SMC1B: variants seen among roughly 807,000 people sequenced by gnomAD.
SMC1B encodes the protein structural maintenance of chromosomes protein 1B.
A neutral mutation model predicts 157.9 loss-of-function variants in SMC1B; 60 were observed. That is an observed-to-expected ratio of 0.38 (90% confidence interval 0.31 to 0.47). The LOEUF is 0.47. Ranked by LOEUF, SMC1B falls within the 20% of genes least tolerant of loss-of-function variation. The pLI, the probability that SMC1B is intolerant of heterozygous loss-of-function variation, is 0.99. For missense variants in SMC1B, 1,165 were observed against 1,426.2 expected (o/e 0.82, Z 2.95); for synonymous variants, 445 against 483.0 (o/e 0.92, Z 1.03).
Position 45,359,949 on chromosome 22 carries a change from C to A in SMC1B, c.2718G>T (p.Gly906=). The A allele has an allele frequency of 1.2e-6, 2 of 1,613,106 alleles. No individual in the cohort carries two copies. Among genetic ancestry groups the A allele is most frequent in the Non-Finnish European group, 1.7e-6 (2 of 1,179,294 alleles). The change falls in exon 18 of 25, where the codon GGG becomes GGT. Residue 906 remains glycine, a synonymous_variant. Transcript: ENST00000357450. ...KKFLAVDREV[G]KLQKEVVSIQ... is the part of the protein sequence containing the mutation. ...TACTTACAACTTCTTTTTGCAATTTCCCCACTTCCCTGTAATTACACAGAT... is the reference window on the plus strand; with the variant it reads ...TACTTACAACTTCTTTTTGCAATTTACCCACTTCCCTGTAATTACACAGAT...
intron 9 of SMC1B, among the ~76,000 whole-genome samples, chr22:45,391,364 T>C (rs2087057367): frequency 6.6e-6 from 1 of 152,244 alleles, no homozygotes; most frequent in African/African-American, 2.4e-5. Flanking sequence ...TATTTGAATC[T>C]AGTTTTATAA....
intron 2 of SMC1B, 113 bp downstream of exon 2, chr22:45,408,597 C>A: frequency 1.5e-6 from 1 of 658,196 alleles, no homozygotes; most frequent in Non-Finnish European, 2.5e-6. Context: ...GAAAAAAGAA[C>A]TCTAGTTCAT....
At chr22:45,369,699 C>G (rs964348378) in intron 15 of SMC1B, among the ~76,000 whole-genome samples, 3 of 151,568 alleles carry the variant, frequency 2.0e-5, no homozygotes, top group African/African-American at 7.3e-5. Flanking sequence ...CCTGCCACCA[C>G]GCCTGGCTAA....
In SMC1B at chr22:45,402,490, T is replaced by C. The variant is rs2087208167; in HGVS notation, c.697A>G (p.Lys233Glu). The C allele has an allele frequency of 6.2e-7, 1 of 1,613,914 alleles. No homozygotes were observed. Among genetic ancestry groups the C allele is most frequent in the Non-Finnish European group, 8.5e-7 (1 of 1,179,970 alleles). Residue 233 changes from lysine to glutamate, a missense_variant, in exon 5 of 25, where the codon AAA (lysine) becomes GAA (glutamate). Coordinates refer to ENST00000357450, the MANE Select transcript of SMC1B (RefSeq NM_148674.5). The stretch of plus-strand genomic sequence containing the variant: ...TTGGTGTTCAGGAGATGAATCTTTT[T>C]CTCATTATGGTATAGTTGAAAAAGC... ...LQLFQLYHNE[K>E]KIHLLNTKLE...
At chr22:45,369,452 T>C (rs1467953550) in intron 15 of SMC1B, among the ~76,000 whole-genome samples, 2 of 152,126 alleles carry the variant, frequency 1.3e-5, no homozygotes, top group African/African-American at 4.8e-5. Flanking sequence ...TATTCTCTTA[T>C]TTTGTGTATT....
intron 11 of SMC1B, among the ~76,000 whole-genome samples, chr22:45,386,541 A>C (rs2146819671): frequency 6.6e-6 from 1 of 152,034 alleles, no homozygotes; most frequent in Non-Finnish European, 1.5e-5. Context: ...TCAAAACCAC[A>C]GGTACCATAT....
At position 45,391,235 on chromosome 22, in the gene SMC1B, G is replaced by T. The variant is rs73444371; in HGVS notation, c.1546-1338C>A. Among the ~76,000 whole-genome samples, 1,440 of 151,876 alleles carry T rather than the reference G, an allele frequency of 9.5e-3. 32 individuals carry two copies. The highest frequency in any genetic ancestry group is 0.033 in the African/African-American group (1,372 of 41,452). On this transcript the variant is annotated intron_variant, in intron 9 of 24. Transcript: ENST00000357450. ...TTCTTGCTATTAATGCTTCTAATTT[G>T]TTAATTTGTCTATGTTATTTATTAC... is the stretch of plus-strand genomic sequence containing the variant.
intron 18 of SMC1B, among the ~76,000 whole-genome samples, chr22:45,359,216 A>G (rs1238924079): frequency 6.6e-6 from 1 of 152,226 alleles, no homozygotes; most frequent in African/African-American, 2.4e-5. Context: ...TTTGATATAC[A>G]TGGGGGATCC....
intron 6 of SMC1B, among the ~76,000 whole-genome samples, chr22:45,397,102 T>A (rs1260143519): frequency 6.7e-6 from 1 of 149,954 alleles, no homozygotes; most frequent in Non-Finnish European, 1.5e-5. Context: ...TGACTATATA[T>A]ACCAAAATAA....
At chr22:45,375,020 G>C (rs929375018) in intron 12 of SMC1B, among the ~76,000 whole-genome samples, 1 of 152,128 alleles carries the variant, frequency 6.6e-6, no homozygotes, top group African/African-American at 2.4e-5. Flanking sequence ...GGGGAAATGT[G>C]AAAGGAAAAT....
At chr22:45,371,846 C>A (rs2086835822) in intron 13 of SMC1B, among the ~76,000 whole-genome samples, 1 of 152,116 alleles carries the variant, frequency 6.6e-6, no homozygotes, top group African/African-American at 2.4e-5. Flanking sequence ...CACCTGAAGT[C>A]AGGAGTCTGA....
chr22:45,367,962 G>T (rs1485892816), intron 15 of SMC1B, among the ~76,000 whole-genome samples: 4 of 152,064 alleles, frequency 2.6e-5, no homozygotes, highest in Non-Finnish European at 5.9e-5. Flanking sequence ...AAGCCAGCTT[G>T]ATTCTATTCT....
At position 45,399,238 on chromosome 22, in the gene SMC1B, T is replaced by C. The variant is rs898893738; in HGVS notation, c.970A>G (p.Lys324Glu). The C allele has an allele frequency of 6.2e-7, 1 of 1,614,172 alleles. No homozygotes were observed. Among genetic ancestry groups the C allele is most frequent in the Non-Finnish European group, 8.5e-7 (1 of 1,180,022 alleles). ...TCATCTTCCTGTTTAGAACATTGTT[T>C]TTCGCTGTCCTTTATTGATTTCTTA... The part of the protein sequence containing the change: ...VAKKSIKDSE[K>E]QCSKQEDDIK... Residue 324 changes from lysine (K) to glutamate (E), a missense_variant, in exon 6 of 25, where the codon AAA (lysine) becomes GAA (glutamate). Lys to Glu is a moderately conservative substitution (Grantham distance 56). Coordinates refer to ENST00000357450, the MANE Select transcript of SMC1B (RefSeq NM_148674.5).
chr22:45,411,432 G>A (rs1233849959), intron 1 of SMC1B, among the ~76,000 whole-genome samples: 1 of 152,182 alleles, frequency 6.6e-6, no homozygotes, highest in Non-Finnish European at 1.5e-5. Flanking sequence ...CCAGGAGCTA[G>A]GTGGAGAGGA....
chr22:45,354,969 C>A lies in SMC1B; in HGVS notation c.3108G>T (p.Glu1036Asp). 1 of 1,614,092 alleles carries A rather than the reference C, an allele frequency of 6.2e-7. No individual in the cohort carries two copies. Among genetic ancestry groups the A allele is most frequent in the Non-Finnish European group, 8.5e-7 (1 of 1,179,984 alleles). Residue 1036 changes from glutamate to aspartate, a missense_variant, in exon 20 of 25, where the codon GAG becomes GAT. Glu to Asp is a conservative substitution (Grantham distance 45, BLOSUM62 2). Coordinates refer to ENST00000357450, the MANE Select transcript of SMC1B (RefSeq NM_148674.5). Reference sequence around the variant, plus strand: ...TACACTCAATTTTACCATCTGTGGACTCTTGAAACTTGTCTCTGACAGTCT... The same window carrying A: ...TACACTCAATTTTACCATCTGTGGAATCTTGAAACTTGTCTCTGACAGTCT... ...NLKTVRDKFQ[E>D]STDAFEASRK...
intron 22 of SMC1B, among the ~76,000 whole-genome samples, chr22:45,351,739 G>A (rs981992163): frequency 2.0e-5 from 3 of 151,968 alleles, no homozygotes; most frequent in African/African-American, 4.8e-5. Context: ...CTGTAGACAC[G>A]GGGTCTCACT....
chr22:45,410,212 A>G (rs1489247005), intron 1 of SMC1B, among the ~76,000 whole-genome samples: 1 of 152,176 alleles, frequency 6.6e-6, no homozygotes, highest in Non-Finnish European at 1.5e-5. Flanking sequence ...CTATATGTAG[A>G]ATCCTGTGAG....
chr22:45,387,162 T>A, intron 10 of SMC1B, 116 bp from the exon 11 acceptor site: 1 of 913,392 alleles, frequency 1.1e-6, no homozygotes, highest in Non-Finnish European at 1.6e-6. Flanking sequence ...CAACAGTATG[T>A]ACCCAGCCAG....
intron 10 of SMC1B, among the ~76,000 whole-genome samples, chr22:45,388,986 C>CAAAAAAAAAAAAAAAAAAAAAGAAAAA (rs371475132): frequency 3.7e-5 from 2 of 54,474 alleles, no homozygotes; most frequent in Non-Finnish European, 7.0e-5. Flanking sequence ...GACTCTGCCT[C>CAAAAAAAAAAAAAAAAAAAAAGAAAAA]AAAAAAAAAA....
Sources: gnomAD v4.1 joint callset for allele counts (sites outside exome capture counted in the v4.1 genomes callset) on GRCh38, gnomAD v4.1.1 for gene constraint, MANE v1.5 for transcripts, NCBI Gene and HGNC (gene_info 2026-07-23, HGNC 2026-07-21) for gene names.